The following ENO1 variants were observed in gnomAD, a reference collection of about 807,000 sequenced individuals.
ENO1 encodes the protein enolase 1.
Under a neutral mutation model 46.3 loss-of-function variants are expected in ENO1, and 33 were observed. The ratio of observed to expected loss-of-function variants is 0.71; its 90% CI spans 0.54 to 0.95. ENO1 has a LOEUF of 0.95. Ranked by LOEUF, ENO1 falls within the 40% of genes least tolerant of loss-of-function variation. ENO1 has a pLI of 0.00. For missense variants in ENO1, 488 were observed against 553.3 expected (o/e 0.88, Z 1.18); for synonymous variants, 220 against 216.0 (o/e 1.02, Z -0.16).
In ENO1 at chr1:8,871,951, T is replaced by C. The variant is rs376416487; in HGVS notation, c.121A>G (p.Thr41Ala). ...AGCTCTAGGGCCTCATAGATACCAG[T>C]TGAAGCACCACTGGGCACAGCAGCT... ...FRAAVPSGAS[T>A]GIYEALELRD... The change falls in exon 3 of 12, where the codon ACT (threonine) becomes GCT (alanine). Residue 41 changes from threonine (T) to alanine (A), a missense_variant. By Grantham distance (58) the Thr-to-Ala change is moderately conservative (BLOSUM62 0). Coordinates refer to ENST00000234590, the MANE Select transcript of ENO1 (RefSeq NM_001428.5). The C allele has an allele frequency of 8.7e-6, 14 of 1,614,024 alleles. No individual in the cohort carries two copies. Among genetic ancestry groups the C allele is most frequent in the African/African-American group, 4.0e-5 (3 of 74,916 alleles).
rs1184783706 is a variant in ENO1 at position 8,863,064 on chromosome 1, G to A, written c.1177-119C>T. 3.6e-6 allele frequency: 5 copies of A among 1,405,166 alleles called. No individual in the cohort carries two copies. The African/African-American group carries it at 5.7e-5, about 16-fold the overall frequency. 87.0% of individuals were successfully genotyped at this position (1,405,166 alleles called of 1,614,324 possible). On this transcript the variant is annotated intron_variant, in intron 10 of 11. Coordinates refer to ENST00000234590, the MANE Select transcript of ENO1 (RefSeq NM_001428.5). Reference sequence around the variant, plus strand: ...GAGGATCTGATGCTAGGAAAGTGGGGGCCACAACATACAGGCAGGGCGCTC... The same window carrying A: ...GAGGATCTGATGCTAGGAAAGTGGGAGCCACAACATACAGGCAGGGCGCTC...
At chr1:8,876,135 T>TG (rs1458329446) in intron 1 of ENO1, 1 of 152,116 alleles carries the variant, frequency 6.6e-6, no homozygotes, top group African/African-American at 2.4e-5. Flanking sequence ...CCAAAGAAAC[T>TG]AACTGAACAA....
intron 3 of ENO1, chr1:8,870,981 CAG>C (rs1642620576): frequency 8.0e-7 from 1 of 1,244,414 alleles, no homozygotes; most frequent in Non-Finnish European, 1.0e-6. Flanking sequence ...GGCAGGAAAG[CAG>C]AGGAGAGCAT....
At chr1:8,867,924 G>T in intron 5 of ENO1, 64 bp downstream of exon 5, 1 of 1,445,466 alleles carries the variant, frequency 6.9e-7, no homozygotes, top group Non-Finnish European at 9.7e-7. Flanking sequence ...TTCCTGAAAG[G>T]TTTTAAAATC....
At chr1:8,871,041 A>C in intron 3 of ENO1, 1 of 1,236,034 alleles carries the variant, frequency 8.1e-7, no homozygotes, top group Non-Finnish European at 1.0e-6. Context: ...CTTACTGAGC[A>C]CTCATTACCA....
chr1:8,874,809 G>C lies in ENO1; in HGVS notation c.85+15C>G. Reference sequence around the variant, plus strand: ...CGGTGGAAGGAACCATGGAAACCAAGGAGGTGGCACATACCTTTTGAGGTG... The same window carrying C: ...CGGTGGAAGGAACCATGGAAACCAACGAGGTGGCACATACCTTTTGAGGTG... On this transcript the variant is annotated intron_variant, in intron 2 of 11. Transcript: ENST00000234590. 2 of 1,606,622 alleles carry C rather than the reference G, an allele frequency of 1.2e-6. No homozygotes were observed. The highest frequency in any genetic ancestry group is 1.7e-6 in the Non-Finnish European group (2 of 1,176,304).
chr1:8,870,331 AG>A, intron 4 of ENO1, 120 bp downstream of exon 4: 1 of 1,281,156 alleles, frequency 7.8e-7, no homozygotes, highest in Non-Finnish European at 1.1e-6. Context: ...CGTGCGTGAC[AG>A]GGAATCCAAT....
chr1:8,870,913 T>G (rs777813116), intron 3 of ENO1: 51 of 1,255,462 alleles, frequency 4.1e-5, no homozygotes, highest in African/African-American at 6.1e-5. Context: ...GAAGGAAAAA[T>G]GAGAGAGACT....
rs193179359 is a variant in ENO1, at chr1:8,871,631, G to A, written c.181+260C>T. Reference sequence around the variant, plus strand: ...TGTCCTAACCGTGAAGGAGTATTTCGCAGATTGGGAACAAACTGCAATAGA... The same window carrying A: ...TGTCCTAACCGTGAAGGAGTATTTCACAGATTGGGAACAAACTGCAATAGA... On this transcript the variant is annotated intron_variant, in intron 3 of 11. Coordinates refer to ENST00000234590, the MANE Select transcript of ENO1 (RefSeq NM_001428.5). 1.7e-3 allele frequency: 2,142 copies of A among 1,270,886 alleles called. 2 individuals are homozygous for A. The highest frequency in any genetic ancestry group is 2.1e-3 in the South Asian group (97 of 46,394). 78.7% of individuals were successfully genotyped at this position (1,270,886 alleles called of 1,614,324 possible). A position where few individuals can be genotyped will look rare whatever the true frequency, so the allele number is the denominator to read the frequency against.
chr1:8,870,488 GTGCTCAACAGCCTT>G lies in ENO1; in HGVS notation c.190_203del (p.Lys64HisfsTer3). On this transcript the variant is annotated frameshift_variant, in exon 4 of 12. Coordinates refer to ENST00000234590, the MANE Select transcript of ENO1 (RefSeq NM_001428.5). LOFTEE classifies it high-confidence loss of function. ...GGGCAGGCGCAATAGTTTTATTGAT[GTGCTCAACAGCCTT>G]TGAGACACCTGGAAGGAACAATCAA... 1 of 1,614,194 alleles carries G rather than the reference GTGCTCAACAGCCTT, an allele frequency of 6.2e-7. No homozygotes were observed. The highest frequency in any genetic ancestry group is 8.5e-7 in the Non-Finnish European group (1 of 1,180,032).
rs376455724 is a variant in ENO1, at chr1:8,868,187, CA to C, written c.241-131del. On this transcript the variant is annotated intron_variant, in intron 4 of 11. Transcript: ENST00000234590. ...AATTCTGTGATGTTTGTTTTATAAG[CA>C]AAAAAAGTGGAGGACAAAAATCAGT... is the stretch of plus-strand genomic sequence containing the variant. 84 of 757,974 alleles carry C rather than the reference CA, an allele frequency of 1.1e-4. No homozygotes were observed. The East Asian group carries it at 1.8e-3, about 17-fold the overall frequency. The allele number at this position is 757,974 out of a possible 1,614,324, so 47.0% of individuals were successfully genotyped here.
At chr1:8,876,701 G>A (rs29000590) in intron 1 of ENO1, among the ~76,000 whole-genome samples, 286 of 152,122 alleles carry the variant, frequency 1.9e-3, no homozygotes, top group African/African-American at 6.4e-3. Context: ...AGGAGGCTGA[G>A]GCAGAAGAAT....
At chr1:8,869,889 C>T (rs1361895283) in intron 4 of ENO1, among the ~76,000 whole-genome samples, 1 of 152,116 alleles carries the variant, frequency 6.6e-6, no homozygotes, top group East Asian at 1.9e-4. Context: ...GGTTTTCAAA[C>T]CAGTCCCATC....
intron 5 of ENO1, 61 bp from the exon 6 acceptor site, chr1:8,867,311 CT>C: frequency 6.2e-6 from 10 of 1,601,022 alleles, no homozygotes; most frequent in Non-Finnish European, 8.5e-6. Context: ...TTTTCTCCTG[CT>C]GTACTGCCCT....
chr1:8,870,326 G>A (rs2765511), intron 4 of ENO1, 126 bp downstream of exon 4: 998,253 of 1,228,316 alleles, frequency 0.81, 407,060 homozygotes, highest in East Asian at 0.94. Flanking sequence ...GTTCTCGTGC[G>A]TGACAGGGAA....
intron 7 of ENO1, 21 bp from the exon 8 acceptor site, chr1:8,865,503 C>T: frequency 6.2e-7 from 1 of 1,611,622 alleles, no homozygotes; most frequent in South Asian, 1.1e-5. Flanking sequence ...ATGGTGACAA[C>T]AGGTTTGGAA....
intron 2 of ENO1, among the ~76,000 whole-genome samples, chr1:8,872,871 A>G (rs1387295831): frequency 1.3e-5 from 2 of 152,204 alleles, no homozygotes; most frequent in East Asian, 3.8e-4. Context: ...AGTTTAATAA[A>G]TGTAAGAACT....
intron 1 of ENO1, among the ~76,000 whole-genome samples, chr1:8,877,141 TAG>T (rs1642752216): frequency 6.6e-6 from 1 of 152,056 alleles, no homozygotes. Flanking sequence ...GTATTTTTAG[TAG>T]AGATGGGGTT....
At position 8,878,609 on chromosome 1, in the gene ENO1, G is replaced by A. The variant is rs11544510; in HGVS notation, c.-39C>T. The A allele has an allele frequency of 6.6e-6, 3 of 455,962 alleles. No homozygotes were observed. The highest frequency in any genetic ancestry group is 6.9e-5 in the East Asian group (1 of 14,396). The allele number at this position is 455,962 out of a possible 1,614,324, so 28.2% of individuals were successfully genotyped here. ...CCACTGGGTCTCGTCGCCTAGGAGA[G>A]GAAGCGGAGGGTGCTGCAGACACCG... On this transcript the variant is annotated 5_prime_UTR_variant, in exon 1 of 12. Coordinates refer to ENST00000234590, the MANE Select transcript of ENO1 (RefSeq NM_001428.5).
Sources: gnomAD v4.1 joint callset for allele counts (sites outside exome capture counted in the v4.1 genomes callset) on GRCh38, gnomAD v4.1.1 for gene constraint, MANE v1.5 for transcripts, NCBI Gene and HGNC (gene_info 2026-07-23, HGNC 2026-07-21) for gene names.